CACNA2D1: variants seen among roughly 807,000 people sequenced by gnomAD.
The protein encoded by CACNA2D1 is calcium voltage-gated channel auxiliary subunit alpha2delta 1.
In CACNA2D1, 53 loss-of-function variants were observed where a neutral mutation model predicts 171.5. The observed-to-expected ratio is 0.31, with a 90% CI of 0.25 to 0.39. The LOEUF is 0.39. Among genes scored for constraint, CACNA2D1 ranks in the 10% least tolerant of loss-of-function variants. CACNA2D1 has a pLI of 1.00. For missense variants in CACNA2D1, 903 were observed against 1,299.8 expected, an observed-to-expected ratio of 0.69 and a Z score of 4.69; for synonymous variants, 442 against 443.1, an observed-to-expected ratio of 1.00 and a Z score of 0.03.
At chr7:82,412,063 A>G (rs1827729857) in intron 1 of CACNA2D1, among the ~76,000 whole-genome samples, 1 of 152,288 alleles carries the variant, frequency 6.6e-6, no homozygotes, top group Non-Finnish European at 1.5e-5. Flanking sequence ...AGTCATTTTT[A>G]AATATAAACT....
chr7:81,951,987 T>TG (rs71083055), intron 38 of CACNA2D1, among the ~76,000 whole-genome samples: 6 of 148,710 alleles, frequency 4.0e-5, no homozygotes, highest in Non-Finnish European at 6.0e-5. Flanking sequence ...TTTTTTTTTT[T>TG]TTTTAACCAC....
chr7:82,363,851 A>C (rs1821380456), intron 1 of CACNA2D1, among the ~76,000 whole-genome samples: 1 of 152,152 alleles, frequency 6.6e-6, no homozygotes, highest in East Asian at 1.9e-4. Flanking sequence ...TCTTCAGACT[A>C]TAGATCTAAG....
intron 12 of CACNA2D1, among the ~76,000 whole-genome samples, chr7:82,021,893 A>C (rs1801259836): frequency 6.6e-6 from 1 of 151,936 alleles, no homozygotes; most frequent in African/African-American, 2.4e-5. Context: ...GCAGCAGAAA[A>C]ACCAGCAAAA....
intron 3 of CACNA2D1, among the ~76,000 whole-genome samples, chr7:82,251,928 T>C (rs948362224): frequency 6.6e-6 from 1 of 152,196 alleles, no homozygotes; most frequent in Non-Finnish European, 1.5e-5. Flanking sequence ...ACAAGGGACA[T>C]GCAAGATAAA....
intron 5 of CACNA2D1, among the ~76,000 whole-genome samples, chr7:82,121,924 C>T (rs1789786665): frequency 6.6e-6 from 1 of 152,006 alleles, no homozygotes; most frequent in Non-Finnish European, 1.5e-5. Context: ...ATTTATTTAA[C>T]ATACTAAGAA....
intron 3 of CACNA2D1, among the ~76,000 whole-genome samples, chr7:82,333,907 C>T (rs1337742392): frequency 6.6e-6 from 1 of 151,918 alleles, no homozygotes; most frequent in East Asian, 1.9e-4. Flanking sequence ...TCAGGTTAGC[C>T]AAGGTTTTCT....
At chr7:82,252,909 TA>T (rs1805837106) in intron 3 of CACNA2D1, among the ~76,000 whole-genome samples, 1 of 151,722 alleles carries the variant, frequency 6.6e-6, no homozygotes, top group Admixed American at 6.6e-5. Context: ...AACAAACACT[TA>T]ACCCAGACAC....
At position 82,245,662 on chromosome 7, in the gene CACNA2D1, T is replaced by TCA. The variant is rs1554479416; in HGVS notation, c.295-75055_295-75054dup. 9.0e-3 allele frequency among the ~76,000 whole-genome samples: 1,312 copies of TCA among 145,462 alleles called. 9 individuals are homozygous for TCA. Among genetic ancestry groups the TCA allele is most frequent in the Non-Finnish European group, 9.6e-3 (636 of 66,472 alleles). On this transcript the variant is annotated intron_variant, in intron 3 of 38. Coordinates refer to ENST00000356860, the MANE Select transcript of CACNA2D1 (RefSeq NM_000722.4). ...AAATGTCTCTCTCTCTCTCTCTCTCTCACACACACACACACACACACACAC... is the reference window on the plus strand; with the variant it reads ...AAATGTCTCTCTCTCTCTCTCTCTCTCACACACACACACACACACACACACAC...
intron 24 of CACNA2D1, among the ~76,000 whole-genome samples, chr7:81,981,574 A>C (rs1796448261): frequency 6.6e-6 from 1 of 152,228 alleles, no homozygotes; most frequent in Admixed American, 6.5e-5. Context: ...ATTTAAGAAA[A>C]GTGAAAAATT....
At chr7:82,124,752 T>G in intron 5 of CACNA2D1, among the ~76,000 whole-genome samples, 1 of 152,206 alleles carries the variant, frequency 6.6e-6, no homozygotes, top group East Asian at 1.9e-4. Flanking sequence ...TTTTATCCAG[T>G]TCTTTCTTCA....
At chr7:82,025,767 T>A in intron 12 of CACNA2D1, among the ~76,000 whole-genome samples, 1 of 151,702 alleles carries the variant, frequency 6.6e-6, no homozygotes, top group East Asian at 1.9e-4. Flanking sequence ...TTATTTCTAT[T>A]GGGTCAAATG....
At chr7:82,119,052 A>G (rs1301268040) in intron 5 of CACNA2D1, among the ~76,000 whole-genome samples, 1 of 152,230 alleles carries the variant, frequency 6.6e-6, no homozygotes, top group Non-Finnish European at 1.5e-5. Context: ...AATATTATAT[A>G]CAAAGGACCT....
intron 4 of CACNA2D1, among the ~76,000 whole-genome samples, chr7:82,145,479 A>T (rs993572755): frequency 4.8e-5 from 7 of 144,584 alleles, no homozygotes; most frequent in Admixed American, 3.5e-4. Context: ...TATATATATA[A>T]AATTCACTGT....
At chr7:82,221,725 C>A (rs1801786849) in intron 3 of CACNA2D1, among the ~76,000 whole-genome samples, 1 of 145,864 alleles carries the variant, frequency 6.9e-6, no homozygotes, top group African/African-American at 2.5e-5. Flanking sequence ...GCCTGGGCAA[C>A]AGAGTGAGAC....
intron 7 of CACNA2D1, among the ~76,000 whole-genome samples, chr7:82,075,633 T>C (rs1178997688): frequency 6.6e-6 from 1 of 152,208 alleles, no homozygotes; most frequent in Non-Finnish European, 1.5e-5. Flanking sequence ...AAACTATGAT[T>C]CTACAGGAAC....
At chr7:82,327,642 T>G (rs769593711) in intron 3 of CACNA2D1, among the ~76,000 whole-genome samples, 1 of 152,160 alleles carries the variant, frequency 6.6e-6, no homozygotes. Context: ...AGATGGAGAA[T>G]GTGGTAGAGG....
At chr7:82,367,693 A>G (rs1399183021) in intron 1 of CACNA2D1, among the ~76,000 whole-genome samples, 1 of 152,202 alleles carries the variant, frequency 6.6e-6, no homozygotes, top group Admixed American at 6.5e-5. Flanking sequence ...GAATAAAAAA[A>G]AGATGACTCT....
At chr7:82,443,819 G>GAGGCGA (rs1000863428), upstream of CACNA2D1, 10 of 763,372 alleles carry the variant, frequency 1.3e-5, no homozygotes, top group South Asian at 1.4e-4. Flanking sequence ...CCCGATTGCC[G>GAGGCGA]AGGCGAAGGC....
At chr7:82,109,562 C>A (rs1341499954) in intron 6 of CACNA2D1, among the ~76,000 whole-genome samples, 1 of 152,008 alleles carries the variant, frequency 6.6e-6, no homozygotes, top group Admixed American at 6.6e-5. Flanking sequence ...TGGTTGAAAG[C>A]CTGTTTTGAT....
Sources: gnomAD v4.1 joint callset for allele counts (sites outside exome capture counted in the v4.1 genomes callset) on GRCh38, gnomAD v4.1.1 for gene constraint, MANE v1.5 for transcripts, NCBI Gene and HGNC (gene_info 2026-07-23, HGNC 2026-07-21) for gene names.